The following DTNA variants were observed in gnomAD, a reference collection of about 807,000 sequenced individuals.
The protein encoded by DTNA is dystrophin-related protein 3.
Under a neutral mutation model 100.7 loss-of-function variants are expected in DTNA, and 43 were observed. The observed-to-expected ratio is 0.43, with a 90% confidence interval of 0.33 to 0.55. The LOEUF is 0.55. Ranked by LOEUF, DTNA falls within the 20% of genes least tolerant of loss-of-function variation. The probability of loss-of-function intolerance (pLI) is 0.04; values close to 1 mark genes in which losing one functional copy is unlikely to be tolerated. For synonymous variants in DTNA, 349 were observed against 347.9 expected, an observed-to-expected ratio of 1.00 and a Z score of -0.04; for missense variants, 798 against 953.9, an observed-to-expected ratio of 0.84 and a Z score of 2.15.
Position 34,889,207 on chromosome 18 carries a change from T to G in DTNA, c.*1473T>G. 1 of 985,410 alleles carries G rather than the reference T, an allele frequency of 1.0e-6. No homozygotes were observed. Among genetic ancestry groups the G allele is most frequent in the Non-Finnish European group, 1.2e-6 (1 of 829,926 alleles). 61.0% of individuals were successfully genotyped at this position (985,410 alleles called of 1,614,324 possible). A position where few individuals can be genotyped will look rare whatever the true frequency, so the allele number is the denominator to read the frequency against. On this transcript the variant is annotated 3_prime_UTR_variant, in exon 23 of 23. Transcript: ENST00000444659. Reference sequence around the variant, plus strand: ...TTTCTCTGGAATTCCTGTCTCTCCTTTAAAAGAAAGGAGAGAACATTTTAG... The same window carrying G: ...TTTCTCTGGAATTCCTGTCTCTCCTGTAAAAGAAAGGAGAGAACATTTTAG...
chr18:34,674,248 A>G (rs753128452), intron 1 of DTNA, among the ~76,000 whole-genome samples: 2 of 152,208 alleles, frequency 1.3e-5, no homozygotes, highest in African/African-American at 4.8e-5. Flanking sequence ...AAGGTGCCAC[A>G]CTGGATGTGA....
intron 1 of DTNA, among the ~76,000 whole-genome samples, chr18:34,578,939 T>C (rs554475332): frequency 5.4e-4 from 83 of 152,306 alleles, no homozygotes; most frequent in African/African-American, 1.9e-3. Flanking sequence ...GTATTCTATT[T>C]GTCACATCTG....
chr18:34,693,964 GA>G (rs1269573910), intron 1 of DTNA, among the ~76,000 whole-genome samples: 2 of 152,096 alleles, frequency 1.3e-5, no homozygotes, highest in Admixed American at 6.6e-5. Context: ...GTATTACACT[GA>G]AAAGATACAG....
chr18:34,889,029 G>C lies in DTNA; in HGVS notation c.*1295G>C, dbSNP rs564684261. 3 of 985,806 alleles carry C rather than the reference G, an allele frequency of 3.0e-6. No homozygotes were observed. In the South Asian group the frequency reaches 1.4e-4, roughly 46 times the overall value. 61.1% of individuals were successfully genotyped at this position (985,806 alleles called of 1,614,324 possible). Reference sequence around the variant, plus strand: ...CAAAGACAAGAGGATAAAAGACTGGGATAGTCTTTTCCAAGGACCCTCTTT... The same window carrying C: ...CAAAGACAAGAGGATAAAAGACTGGCATAGTCTTTTCCAAGGACCCTCTTT... On this transcript the variant is annotated 3_prime_UTR_variant, in exon 23 of 23. Transcript: ENST00000444659.
chr18:34,568,104 A>G (rs1309515905), intron 1 of DTNA, among the ~76,000 whole-genome samples: 4 of 152,200 alleles, frequency 2.6e-5, no homozygotes, highest in East Asian at 1.9e-4. Flanking sequence ...CATATTCAGT[A>G]TGAATCTGAG....
intron 1 of DTNA, among the ~76,000 whole-genome samples, chr18:34,588,167 C>G (rs2049331094): frequency 6.6e-6 from 1 of 152,186 alleles, no homozygotes; most frequent in Admixed American, 6.5e-5. Flanking sequence ...ACTTAAGATT[C>G]ATGACTATAT....
intron 1 of DTNA, among the ~76,000 whole-genome samples, chr18:34,599,956 G>A (rs2051443907): frequency 6.6e-6 from 1 of 152,112 alleles, no homozygotes; most frequent in African/African-American, 2.4e-5. Flanking sequence ...GGGATTACAG[G>A]TGTGAGCCAC....
At chr18:34,791,613 T>G (rs890022022) in intron 3 of DTNA, among the ~76,000 whole-genome samples, 2 of 152,230 alleles carry the variant, frequency 1.3e-5, no homozygotes, top group Admixed American at 1.3e-4. Context: ...AATAATTTCC[T>G]TGTTGATTAA....
chr18:34,655,287 G>A (rs2074212408), intron 1 of DTNA, among the ~76,000 whole-genome samples: 2 of 152,038 alleles, frequency 1.3e-5, no homozygotes, highest in African/African-American at 4.8e-5. Context: ...CATAATTGGT[G>A]TTACTTTAGA....
intron 1 of DTNA, among the ~76,000 whole-genome samples, chr18:34,598,138 C>G (rs1479462397): frequency 1.3e-5 from 2 of 151,704 alleles, no homozygotes; most frequent in African/African-American, 4.8e-5. Flanking sequence ...TCCTGTATGT[C>G]AAGTGGAGTC....
At chr18:34,770,567 A>G (rs945888962) in intron 3 of DTNA, among the ~76,000 whole-genome samples, 2 of 152,094 alleles carry the variant, frequency 1.3e-5, no homozygotes, top group African/African-American at 2.4e-5. Context: ...TTCAATTCCT[A>G]ATGTATGCTG....
chr18:34,767,947 A>C (rs1382527154), intron 3 of DTNA, among the ~76,000 whole-genome samples: 1 of 152,206 alleles, frequency 6.6e-6, no homozygotes, highest in East Asian at 1.9e-4. Flanking sequence ...ATGTTGAAAG[A>C]ATTTGTTACT....
chr18:34,889,385 G>A lies in DTNA; in HGVS notation c.*1651G>A. 1.0e-6 allele frequency: 1 copy of A among 985,048 alleles called. No homozygotes were observed. Among genetic ancestry groups the A allele is most frequent in the South Asian group, 4.7e-5 (1 of 21,282 alleles). The allele number at this position is 985,048 out of a possible 1,614,324, so 61.0% of individuals were successfully genotyped here. The stretch of plus-strand genomic sequence containing the variant: ...GAAGTCTGTTTTAGTCAACCCTCTA[G>A]GTGATTCTGATGCTCGCTAAAGGTT... On this transcript the variant is annotated 3_prime_UTR_variant, in exon 23 of 23. Transcript: ENST00000444659.
At chr18:34,726,674 A>C (rs1273758436) in intron 1 of DTNA, among the ~76,000 whole-genome samples, 4 of 152,196 alleles carry the variant, frequency 2.6e-5, no homozygotes, top group Admixed American at 2.6e-4. Context: ...ATGGACTCCC[A>C]ACACTTAGGG....
chr18:34,609,060 T>C (rs1421652558), intron 1 of DTNA, among the ~76,000 whole-genome samples: 1 of 152,196 alleles, frequency 6.6e-6, no homozygotes, highest in African/African-American at 2.4e-5. Context: ...TTTGAACAAC[T>C]GCAGTAACAT....
chr18:34,845,743 C>T (rs1434135876), intron 13 of DTNA, among the ~76,000 whole-genome samples: 2 of 152,166 alleles, frequency 1.3e-5, no homozygotes, highest in Non-Finnish European at 2.9e-5. Flanking sequence ...TATTTTTAAC[C>T]ATTGCAGAAT....
At chr18:34,689,547 C>G (rs963353983) in intron 1 of DTNA, among the ~76,000 whole-genome samples, 1 of 152,162 alleles carries the variant, frequency 6.6e-6, no homozygotes, top group Non-Finnish European at 1.5e-5. Context: ...CTGCCAGATG[C>G]CAGCCAGAGC....
At chr18:34,562,167 C>T (rs1389667250) in intron 1 of DTNA, among the ~76,000 whole-genome samples, 3 of 151,960 alleles carry the variant, frequency 2.0e-5, no homozygotes, top group Admixed American at 6.6e-5. Flanking sequence ...ATAATAAAAC[C>T]GTACAACAAC....
intron 1 of DTNA, among the ~76,000 whole-genome samples, chr18:34,744,721 G>A (rs1225923651): frequency 6.6e-6 from 1 of 152,058 alleles, no homozygotes; most frequent in East Asian, 1.9e-4. Flanking sequence ...TGCACAACCC[G>A]TGAACTCCAT....
Sources: gnomAD v4.1 joint callset for allele counts (sites outside exome capture counted in the v4.1 genomes callset) on GRCh38, gnomAD v4.1.1 for gene constraint, MANE v1.5 for transcripts, NCBI Gene and HGNC (gene_info 2026-07-23, HGNC 2026-07-21) for gene names.